Variants in UTP18 observed in about 807,000 individuals in gnomAD.
The protein encoded by UTP18 is U3 small nucleolar RNA-associated protein 18 homolog.
In UTP18, 36 loss-of-function variants were observed where a neutral mutation model predicts 61.1. The observed-to-expected ratio is 0.59, with a 90% CI of 0.45 to 0.78. The LOEUF (loss-of-function observed/expected upper bound fraction) is 0.78. Ranked by LOEUF, UTP18 falls within the 30% of genes least tolerant of loss-of-function variation. The pLI is 0.00. For synonymous variants in UTP18, 282 were observed against 251.1 expected (o/e 1.12, Z -1.16); for missense variants, 753 against 693.9 (o/e 1.09, Z -0.96).
chr17:51,274,829 C>A (rs905913113), intron 5 of UTP18, among the ~76,000 whole-genome samples: 1 of 151,956 alleles, frequency 6.6e-6, no homozygotes, highest in Admixed American at 6.6e-5. Context: ...AAATTAGATA[C>A]AGTGATTTTG....
At chr17:51,263,490 T>G (rs1414685097) in intron 2 of UTP18, 104 bp downstream of exon 2, 2 of 878,728 alleles carry the variant, frequency 2.3e-6, no homozygotes, top group Non-Finnish European at 1.7e-6. Context: ...ATGTGAAGAT[T>G]TGAAAAATAT....
intron 5 of UTP18, 50 bp downstream of exon 5, chr17:51,273,500 G>A: frequency 7.1e-7 from 1 of 1,399,974 alleles, no homozygotes; most frequent in South Asian, 1.3e-5. Flanking sequence ...TACCTCTGCA[G>A]TTTAATTTGC....
chr17:51,273,523 G>A (rs1404331231), intron 5 of UTP18, 73 bp downstream of exon 5: 14 of 1,033,720 alleles, frequency 1.4e-5, no homozygotes, highest in Non-Finnish European at 1.7e-5. Context: ...CCCAGTAGCA[G>A]ATGTATGGAT....
intron 9 of UTP18, among the ~76,000 whole-genome samples, chr17:51,284,894 C>G (rs1905054437): frequency 6.6e-6 from 1 of 152,030 alleles, no homozygotes; most frequent in Non-Finnish European, 1.5e-5. Flanking sequence ...AACCCTGTCT[C>G]TACTAAAAAT....
chr17:51,286,476 C>A (rs949346398), intron 10 of UTP18: 26 of 456,168 alleles, frequency 5.7e-5, no homozygotes, highest in Non-Finnish European at 7.9e-5. Context: ...TCACTCTCTC[C>A]TTCCAGGTTA....
intron 11 of UTP18, among the ~76,000 whole-genome samples, chr17:51,293,343 G>T (rs1905280916): frequency 6.6e-6 from 1 of 152,124 alleles, no homozygotes. Flanking sequence ...AGAATAATAG[G>T]CATTGGAGAC....
chr17:51,273,793 A>G (rs1904622786), intron 5 of UTP18, among the ~76,000 whole-genome samples: 1 of 132,506 alleles, frequency 7.5e-6, no homozygotes, highest in African/African-American at 2.6e-5. Context: ...AATTCTAGGA[A>G]TCCCGTTTGG....
Position 51,280,404 on chromosome 17 carries a change from G to A in UTP18, c.1129G>A (p.Gly377Arg), listed in dbSNP as rs761552531. ...ATTGTTTTAGACCAAAGAACTGATT[G>A]GAAGCATGAAAATTAATGGAAGGGT... The part of the protein sequence containing the change: ...LLAMKTKELI[G>R]SMKINGRVAA... Residue 377 changes from glycine (G) to arginine (R), a missense_variant, in exon 9 of 14, where the codon GGA (glycine) becomes AGA (arginine). Gly to Arg is a moderately radical substitution (Grantham distance 125, BLOSUM62 -2). Transcript: ENST00000225298. The A allele has an allele frequency of 2.5e-6, 4 of 1,614,072 alleles. No individual in the cohort carries two copies. In the East Asian group the frequency reaches 8.9e-5, roughly 36 times the overall value.
intron 10 of UTP18, among the ~76,000 whole-genome samples, chr17:51,287,575 G>T (rs907066606): frequency 1.4e-4 from 21 of 152,180 alleles, no homozygotes; most frequent in African/African-American, 5.1e-4. Flanking sequence ...AGGGGTGATG[G>T]TGTTAGAAGA....
chr17:51,267,650 G>A (rs1359333567), intron 3 of UTP18, among the ~76,000 whole-genome samples: 2 of 152,000 alleles, frequency 1.3e-5, no homozygotes, highest in East Asian at 3.9e-4. Context: ...ACGTATTTTG[G>A]TGAGGAGTAT....
At chr17:51,260,986 G>A in intron 1 of UTP18, 60 bp downstream of exon 1, 3 of 1,380,586 alleles carry the variant, frequency 2.2e-6, no homozygotes, top group Non-Finnish European at 2.8e-6. Context: ...GGTGGGCGGT[G>A]AAGCTCCGGG....
Position 51,277,233 on chromosome 17 carries a change from G to A in UTP18, c.941G>A (p.Ser314Asn), listed in dbSNP as rs752978730. The part of the protein sequence containing the change: ...SANGEEVLAT[S>N]THSKVLYVYD... The stretch of plus-strand genomic sequence containing the variant: ...AATGGGGAAGAAGTTTTAGCCACGA[G>A]TACCCACAGCAAGGTTCTTTATGTC... Residue 314 changes from serine to asparagine, a missense_variant, in exon 7 of 14, where the codon AGT becomes AAT. Coordinates refer to ENST00000225298, the MANE Select transcript of UTP18 (RefSeq NM_016001.3). 18 of 1,614,018 alleles carry A rather than the reference G, an allele frequency of 1.1e-5. No homozygotes were observed. The highest frequency in any genetic ancestry group is 1.5e-5 in the Non-Finnish European group (18 of 1,180,024).
At chr17:51,281,257 C>T (rs1904911974) in intron 9 of UTP18, among the ~76,000 whole-genome samples, 1 of 150,786 alleles carries the variant, frequency 6.6e-6, no homozygotes, top group African/African-American at 2.4e-5. Flanking sequence ...GTTGCCATTG[C>T]CTTCTCATTA....
Position 51,260,933 on chromosome 17 carries a change from G to A in UTP18, c.342+7G>A. ...GCGTCTGCGAGGCCCGAGGGTGAGG[G>A]AGGCCGCGGCGCGCGGGCTGGGCGC... is the stretch of plus-strand genomic sequence containing the variant. On this transcript the variant is annotated splice_region_variant and intron_variant, in intron 1 of 13. Transcript: ENST00000225298. 1 of 1,541,768 alleles carries A rather than the reference G, an allele frequency of 6.5e-7. No individual in the cohort carries two copies. The highest frequency in any genetic ancestry group is 8.7e-7 in the Non-Finnish European group (1 of 1,148,340).
intron 1 of UTP18, among the ~76,000 whole-genome samples, chr17:51,262,931 C>T (rs1395699342): frequency 6.6e-6 from 1 of 152,202 alleles, no homozygotes; most frequent in Non-Finnish European, 1.5e-5. Context: ...TAGTTTGCCT[C>T]CGGTCCTGTA....
intron 3 of UTP18, 47 bp downstream of exon 3, chr17:51,266,327 A>G (rs1258585283): frequency 7.5e-7 from 1 of 1,340,834 alleles, no homozygotes; most frequent in East Asian, 2.6e-5. Context: ...TATGTAACCA[A>G]TGCCCAGTCA....
At chr17:51,285,906 A>G (rs1905097380) in intron 10 of UTP18, among the ~76,000 whole-genome samples, 1 of 152,234 alleles carries the variant, frequency 6.6e-6, no homozygotes, top group East Asian at 1.9e-4. Flanking sequence ...TTTAGCAAAG[A>G]AAATGCTGGC....
At chr17:51,288,432 C>T in intron 11 of UTP18, 1 of 520,524 alleles carries the variant, frequency 1.9e-6, no homozygotes, top group Non-Finnish European at 3.5e-6. Flanking sequence ...CCATTCTCAC[C>T]ATTCCTAAAG....
At chr17:51,287,939 C>A in intron 10 of UTP18, 90 bp from the exon 11 acceptor site, 14 of 982,286 alleles carry the variant, frequency 1.4e-5, no homozygotes, top group Non-Finnish European at 2.0e-5. Context: ...CCTGTAAATA[C>A]CAGTTTGTGG....
Sources: allele counts gnomAD v4.1 joint callset (sites outside exome capture counted in the v4.1 genomes callset), GRCh38; gene constraint gnomAD v4.1.1; transcripts MANE v1.5; gene names NCBI Gene and HGNC (gene_info 2026-07-23, HGNC 2026-07-21).